NDUFS1: variants seen among roughly 807,000 people sequenced by gnomAD.
NDUFS1 encodes the protein NADH-ubiquinone oxidoreductase 75 kDa subunit, mitochondrial.
Under a neutral mutation model 84.4 loss-of-function variants are expected in NDUFS1, and 61 were observed. The ratio of observed to expected loss-of-function variants is 0.72; its 90% confidence interval spans 0.59 to 0.89. The LOEUF (loss-of-function observed/expected upper bound fraction) is 0.89. Among genes scored for constraint, NDUFS1 ranks in the 40% least tolerant of loss-of-function variants. NDUFS1 has a pLI of 0.00. For missense variants in NDUFS1, 891 were observed against 890.0 expected (o/e 1.00, Z -0.01); for synonymous variants, 275 against 290.0 (o/e 0.95, Z 0.53).
Position 206,116,029 on chromosome 2 carries a change from T to C in NDUFS1, c.*8156A>G, listed in dbSNP as rs1690934974. 1 of 803,838 alleles carries C rather than the reference T, an allele frequency of 1.2e-6. No individual in the cohort carries two copies. The highest frequency in any genetic ancestry group is 1.7e-5 in the African/African-American group (1 of 59,676). 49.8% of individuals were successfully genotyped at this position (803,838 alleles called of 1,614,324 possible). A position where few individuals can be genotyped will look rare whatever the true frequency, so the allele number is the denominator to read the frequency against. On this transcript the variant is annotated 3_prime_UTR_variant, in exon 19 of 19. Coordinates refer to ENST00000233190, the MANE Select transcript of NDUFS1 (RefSeq NM_005006.7). ...TGGGTAATGCTAAAAGTTGCTATTC[T>C]AAGTCTTCTATCCACCACTAATTTA...
In NDUFS1 at chr2:206,146,943, A is replaced by G; in HGVS notation, c.697T>C (p.Ser233Pro). The G allele has an allele frequency of 1.2e-6, 2 of 1,614,174 alleles. No homozygotes were observed. The highest frequency in any genetic ancestry group is 1.7e-6 in the Non-Finnish European group (2 of 1,179,990). Residue 233 changes from serine to proline, a missense_variant, in exon 8 of 19, where the codon TCT (serine) becomes CCT (proline). By Grantham distance (74) the Ser-to-Pro change is moderately conservative. Transcript: ENST00000233190. Reference sequence around the variant, plus strand: ...CGGGCAGTAAAGGCATAGGGCTTAGAGGTTAGGGCACCTACAGGGCAGATA... The same window carrying G: ...CGGGCAGTAAAGGCATAGGGCTTAGGGGTTAGGGCACCTACAGGGCAGATA... Reference protein sequence around the residue: ...IDICPVGALTSKPYAFTARPW... With the variant: ...IDICPVGALTPKPYAFTARPW...
chr2:206,123,641 AC>A lies in NDUFS1; in HGVS notation c.*543del, dbSNP rs1307776157. On this transcript the variant is annotated 3_prime_UTR_variant, in exon 19 of 19. Coordinates refer to ENST00000233190, the MANE Select transcript of NDUFS1 (RefSeq NM_005006.7). Reference sequence around the variant, plus strand: ...ACTATCTCACAGGGTTGTAGCAAGAACAAAAGAAGATAATGCATGTAAAACC... The same window carrying A: ...ACTATCTCACAGGGTTGTAGCAAGAAAAAAGAAGATAATGCATGTAAAACC... The A allele has an allele frequency of 2.0e-5, 3 of 152,994 alleles. No individual in the cohort carries two copies. The highest frequency in any genetic ancestry group is 4.4e-5 in the Non-Finnish European group (3 of 68,674). 9.5% of individuals were successfully genotyped at this position (152,994 alleles called of 1,614,324 possible).
At chr2:206,147,477 AC>A (rs1212801883) in intron 7 of NDUFS1, 53 bp downstream of exon 7, 168 of 1,507,456 alleles carry the variant, frequency 1.1e-4, no homozygotes, top group Non-Finnish European at 1.4e-4. Flanking sequence ...TCAAATTGTG[AC>A]TATTAAGTAT....
intron 12 of NDUFS1, among the ~76,000 whole-genome samples, chr2:206,141,700 G>C (rs1691966265): frequency 6.7e-6 from 1 of 150,022 alleles, no homozygotes; most frequent in African/African-American, 2.4e-5. Context: ...AGACCATCCT[G>C]GCTAACATGG....
chr2:206,141,425 G>A (rs371442873), intron 12 of NDUFS1, among the ~76,000 whole-genome samples: 120 of 151,860 alleles, frequency 7.9e-4, no homozygotes, highest in African/African-American at 2.7e-3. Context: ...CCAGCTACTC[G>A]GGAGGCTGAG....
rs999146129 is a variant in NDUFS1 at position 206,114,914 on chromosome 2, T to C, written c.*9271A>G. ...CACACACACATTATTGTACACTTAA[T>C]TTATGTCCTTAATACATTCTGAAGC... is the stretch of plus-strand genomic sequence containing the variant. On this transcript the variant is annotated 3_prime_UTR_variant, in exon 19 of 19. Coordinates refer to ENST00000233190, the MANE Select transcript of NDUFS1 (RefSeq NM_005006.7). 6.6e-6 allele frequency: 1 copy of C among 152,198 alleles called. No individual in the cohort carries two copies. Among genetic ancestry groups the C allele is most frequent in the Non-Finnish European group, 1.5e-5 (1 of 68,024 alleles). 9.4% of individuals were successfully genotyped at this position (152,198 alleles called of 1,614,324 possible). A position where few individuals can be genotyped will look rare whatever the true frequency, so the allele number is the denominator to read the frequency against.
chr2:206,138,724 G>C, intron 12 of NDUFS1, 110 bp from the exon 13 acceptor site: 1 of 1,183,370 alleles, frequency 8.5e-7, no homozygotes, highest in Non-Finnish European at 1.2e-6. Flanking sequence ...TAAAAGCACA[G>C]ACAATACATT....
In NDUFS1 at chr2:206,115,824, A is replaced by G. The variant is rs1297023793; in HGVS notation, c.*8361T>C. 1 of 430,104 alleles carries G rather than the reference A, an allele frequency of 2.3e-6. No homozygotes were observed. Among genetic ancestry groups the G allele is most frequent in the Non-Finnish European group, 4.3e-6 (1 of 231,416 alleles). The allele number at this position is 430,104 out of a possible 1,614,324, so 26.6% of individuals were successfully genotyped here. On this transcript the variant is annotated 3_prime_UTR_variant, in exon 19 of 19. Transcript: ENST00000233190. Reference sequence around the variant, plus strand: ...TAACAACATTATCTTTGAATTATGTAATTTTTGTAACTAATTTTTACCATG... The same window carrying G: ...TAACAACATTATCTTTGAATTATGTGATTTTTGTAACTAATTTTTACCATG...
At position 206,132,944 on chromosome 2, in the gene NDUFS1, C is replaced by T. The variant is rs1368324495; in HGVS notation, c.1553+1G>A. The T allele has an allele frequency of 3.7e-6, 6 of 1,611,786 alleles. No homozygotes were observed. The Admixed American group carries it at 5.0e-5, about 13-fold the overall frequency. On this transcript the variant is annotated splice_donor_variant, in intron 14 of 18. Coordinates refer to ENST00000233190, the MANE Select transcript of NDUFS1 (RefSeq NM_005006.7). LOFTEE classifies it high-confidence loss of function. ...GTATATAAAGCAATTACTCAACAAA[C>T]CTATGAAGGATATTCATAACTTTCC... is the stretch of plus-strand genomic sequence containing the variant.
At chr2:206,156,723 T>C (rs1315163670) in intron 1 of NDUFS1, among the ~76,000 whole-genome samples, 1 of 152,256 alleles carries the variant, frequency 6.6e-6, no homozygotes, top group Non-Finnish European at 1.5e-5. Flanking sequence ...TCATAGATGA[T>C]GTACAACAGG....
In NDUFS1 at chr2:206,147,659, G is replaced by C; in HGVS notation, c.423C>G (p.Asp141Glu). The change falls in exon 7 of 19, where the codon GAC becomes GAG. Residue 141 changes from aspartate (D) to glutamate (E), a missense_variant and splice_region_variant. Asp to Glu is a conservative substitution (Grantham distance 45). Coordinates refer to ENST00000233190, the MANE Select transcript of NDUFS1 (RefSeq NM_005006.7). ...CDQGGECDLQ[D>E]QSMMFGNDRS... Reference sequence around the variant, plus strand: ...TATCATTTCCAAACATCATGGACTGGTCCTTAAGTAGATTATGAAAGAGTC... The same window carrying C: ...TATCATTTCCAAACATCATGGACTGCTCCTTAAGTAGATTATGAAAGAGTC... 1.2e-6 allele frequency: 2 copies of C among 1,614,072 alleles called. No individual in the cohort carries two copies. Among genetic ancestry groups the C allele is most frequent in the South Asian group, 1.1e-5 (1 of 91,076 alleles).
At chr2:206,137,305 C>A (rs34584050) in intron 13 of NDUFS1, among the ~76,000 whole-genome samples, 9,369 of 152,002 alleles carry the variant, frequency 0.062, 374 homozygotes, top group East Asian at 0.17. Context: ...GAAACCCCGT[C>A]TCTACTAAAA....
chr2:206,149,933 T>TAAAAA lies in NDUFS1; in HGVS notation c.154-13_154-9dup, dbSNP rs568965659. 2.6e-5 allele frequency: 16 copies of TAAAAA among 604,120 alleles called. No individual in the cohort carries two copies. Among genetic ancestry groups the TAAAAA allele is most frequent in the South Asian group, 3.6e-5 (2 of 56,172 alleles). 37.4% of individuals were successfully genotyped at this position (604,120 alleles called of 1,614,324 possible). A position where few individuals can be genotyped will look rare whatever the true frequency, so the allele number is the denominator to read the frequency against. The stretch of plus-strand genomic sequence containing the variant: ...GCCAACCTTCTCACAAGCCTAGAAG[T>TAAAAA]AAAAAAAAAAAAAAAAAAAAAAAAA... On this transcript the variant is annotated splice_polypyrimidine_tract_variant and intron_variant, in intron 3 of 18. Transcript: ENST00000233190.
intron 13 of NDUFS1, among the ~76,000 whole-genome samples, chr2:206,136,425 T>A (rs1315263574): frequency 7.2e-6 from 1 of 139,244 alleles, no homozygotes; most frequent in African/African-American, 2.8e-5. Flanking sequence ...TTTTAGTTGT[T>A]GGTTTTTTTT....
intron 13 of NDUFS1, among the ~76,000 whole-genome samples, chr2:206,137,335 G>A (rs1413971259): frequency 4.6e-5 from 7 of 152,092 alleles, no homozygotes. Context: ...TTAGCCAGGT[G>A]TGGTGGTGCG....
At chr2:206,159,306 C>A (rs1040874952) in intron 1 of NDUFS1, 35 bp downstream of exon 1, 1 of 668,690 alleles carries the variant, frequency 1.5e-6, no homozygotes, top group African/African-American at 1.8e-5. Context: ...CTCTGGCCGA[C>A]GCACCTCACC....
chr2:206,131,457 C>G (rs1370433480), intron 14 of NDUFS1, among the ~76,000 whole-genome samples: 1 of 152,100 alleles, frequency 6.6e-6, no homozygotes, highest in African/African-American at 2.4e-5. Context: ...CCTATTGAAA[C>G]CAGGACACAA....
intron 16 of NDUFS1, among the ~76,000 whole-genome samples, 185 bp from the exon 17 acceptor site, chr2:206,127,029 T>A (rs1264671170): frequency 1.3e-5 from 2 of 152,208 alleles, no homozygotes; most frequent in Non-Finnish European, 2.9e-5. Flanking sequence ...AAATTCTAAT[T>A]CATTCACAGC....
At chr2:206,142,372 C>G (rs1347425997) in intron 11 of NDUFS1, among the ~76,000 whole-genome samples, 4 of 152,126 alleles carry the variant, frequency 2.6e-5, no homozygotes, top group Admixed American at 6.5e-5. Flanking sequence ...ACCACCACGT[C>G]TGGCTAATTT....
Sources: allele counts gnomAD v4.1 joint callset (sites outside exome capture counted in the v4.1 genomes callset), GRCh38; gene constraint gnomAD v4.1.1; transcripts MANE v1.5; gene names NCBI Gene and HGNC (gene_info 2026-07-23, HGNC 2026-07-21).